The following FBLN1 variants were observed in gnomAD, a reference collection of about 807,000 sequenced individuals.
The protein encoded by FBLN1 is fibulin 1.
A neutral mutation model predicts 89.7 loss-of-function variants in FBLN1; 34 were observed. That is an observed-to-expected ratio of 0.38 (90% CI 0.29 to 0.50). The LOEUF is 0.50. Ranked by LOEUF, FBLN1 falls within the 20% of genes least tolerant of loss-of-function variation. FBLN1 has a pLI of 0.92. For missense variants in FBLN1, 777 were observed against 988.1 expected (o/e 0.79, Z 2.86); for synonymous variants, 393 against 391.3 (o/e 1.00, Z -0.05).
chr22:45,546,937 T>C (rs1015214070), intron 11 of FBLN1, 148 bp from the exon 12 acceptor site: 2 of 1,277,664 alleles, frequency 1.6e-6, no homozygotes, highest in African/African-American at 2.9e-5. Context: ...CGCCTCTCCC[T>C]CGGCCACACC....
At chr22:45,506,996 A>G (rs754057732) in intron 1 of FBLN1, among the ~76,000 whole-genome samples, 1 of 152,238 alleles carries the variant, frequency 6.6e-6, no homozygotes, top group Non-Finnish European at 1.5e-5. Context: ...ATATGGTTCC[A>G]GTTTCCTTGT....
rs751235606 is a variant in FBLN1, at chr22:45,583,661, G to A, written c.1972+6553G>A. 5.3e-5 allele frequency among the ~76,000 whole-genome samples: 8 copies of A among 152,194 alleles called. No homozygotes were observed. Among genetic ancestry groups the A allele is most frequent in the Non-Finnish European group, 7.3e-5 (5 of 68,038 alleles). On this transcript the variant is annotated intron_variant, in intron 16 of 16. Coordinates refer to ENST00000327858, the MANE Select transcript of FBLN1 (RefSeq NM_006486.3). This position sits in a 1 kb window ranked among gnomAD's most constrained non-coding sequence, Gnocchi z 4.5. ...AAGCTGGGTTTTGGTGTGCCAGTCA[G>A]GTGAGACGCAGAGAAGACAGCACAA... is the stretch of plus-strand genomic sequence containing the variant.
intron 16 of FBLN1, among the ~76,000 whole-genome samples, chr22:45,591,991 A>C (rs1310435702): frequency 1.3e-5 from 2 of 151,494 alleles, no homozygotes; most frequent in Non-Finnish European, 2.9e-5. Flanking sequence ...TGCAGACAGG[A>C]GGGAGGAAGT....
At position 45,550,671 on chromosome 22, in the gene FBLN1, C is replaced by G; in HGVS notation, c.1697+56C>G. The G allele has an allele frequency of 2.5e-6, 4 of 1,613,414 alleles. No individual in the cohort carries two copies. The South Asian group carries it at 4.4e-5, about 18-fold the overall frequency. ...TGTCTGTGTTGGCCTTCCTGGTGAC[C>G]CAGTTCCCGGGTGGGTGGGTTATCA... On this transcript the variant is annotated intron_variant, in intron 14 of 16. Coordinates refer to ENST00000327858, the MANE Select transcript of FBLN1 (RefSeq NM_006486.3). This position sits in a 1 kb window ranked among gnomAD's most constrained non-coding sequence, Gnocchi z 8.4.
intron 1 of FBLN1, among the ~76,000 whole-genome samples, chr22:45,510,168 C>A (rs150470325): frequency 5.6e-4 from 85 of 152,238 alleles, no homozygotes; most frequent in African/African-American, 1.8e-3. Context: ...CATCTCATAT[C>A]GTCACCACTT....
chr22:45,571,111 C>CAAAAAAA (rs542647353), intron 14 of FBLN1, among the ~76,000 whole-genome samples: 4 of 70,852 alleles, frequency 5.6e-5, no homozygotes, highest in Admixed American at 1.8e-4. Flanking sequence ...ACAAGAGTCT[C>CAAAAAAA]AAAAAAAAAA....
rs559662894 is a variant in FBLN1 at position 45,503,057 on chromosome 22, G to A, written c.72G>A (p.Ala24=). ...TGCTCGGCGGCCTTGCGCTGCTGGC[G>A]GCCGGAGGTAGGGGCGTCCCGGGTC... The part of the protein sequence containing the change: ...LLLLGGLALL[A]AGVDADVLLE... Residue 24 remains alanine (A), a synonymous_variant, in exon 1 of 17, where the codon GCG becomes GCA. Transcript: ENST00000327858. 2.1e-3 allele frequency: 2,607 copies of A among 1,247,188 alleles called. 26 individuals are homozygous for A. The African/African-American group carries it at 0.031, about 15-fold the overall frequency. 77.3% of individuals were successfully genotyped at this position (1,247,188 alleles called of 1,614,324 possible).
intron 14 of FBLN1, chr22:45,565,019 T>A: frequency 6.2e-7 from 1 of 1,612,942 alleles, no homozygotes; most frequent in Non-Finnish European, 8.5e-7. Context: ...GGACAGACAG[T>A]CAGCTCCACA....
Position 45,575,048 on chromosome 22 carries a change from C to T in FBLN1, c.1840+395C>T, listed in dbSNP as rs573939709. Among the ~76,000 whole-genome samples the T allele has an allele frequency of 1.3e-5, 2 of 152,160 alleles. No homozygotes were observed. The highest frequency in any genetic ancestry group is 4.8e-5 in the African/African-American group (2 of 41,440). Reference sequence around the variant, plus strand: ...CCACCCGCCTCAGCCTCCCAAAGTGCTGGGATTACAGGCGTGAGCCACCGC... The same window carrying T: ...CCACCCGCCTCAGCCTCCCAAAGTGTTGGGATTACAGGCGTGAGCCACCGC... On this transcript the variant is annotated intron_variant, in intron 15 of 16. Transcript: ENST00000327858. This position sits in a 1 kb window ranked among gnomAD's most constrained non-coding sequence, Gnocchi z 6.3.
intron 11 of FBLN1, among the ~76,000 whole-genome samples, chr22:45,544,069 A>C (rs890048977): frequency 6.6e-6 from 1 of 150,498 alleles, no homozygotes; most frequent in African/African-American, 2.4e-5. Flanking sequence ...GGCGTGGGTC[A>C]CTGTGCACCT....
chr22:45,511,269 C>CT (rs1328942629), intron 1 of FBLN1, among the ~76,000 whole-genome samples: 1 of 151,842 alleles, frequency 6.6e-6, no homozygotes, highest in Non-Finnish European at 1.5e-5. Flanking sequence ...ATTCTCCTGC[C>CT]TCAGCCTCCC....
chr22:45,534,018 G>A (rs1195109728), intron 7 of FBLN1, 120 bp downstream of exon 7: 23 of 1,374,414 alleles, frequency 1.7e-5, no homozygotes, highest in East Asian at 1.1e-4. Context: ...CTGCCTGGGC[G>A]ACTGCCTGCT....
chr22:45,510,996 G>A (rs1382259109), intron 1 of FBLN1, among the ~76,000 whole-genome samples: 1 of 152,186 alleles, frequency 6.6e-6, no homozygotes, highest in Non-Finnish European at 1.5e-5. Context: ...ATCGGGCACC[G>A]TGTCAGCCTG....
At chr22:45,510,433 G>A (rs2088083959) in intron 1 of FBLN1, among the ~76,000 whole-genome samples, 1 of 152,112 alleles carries the variant, frequency 6.6e-6, no homozygotes, top group Admixed American at 6.5e-5. Context: ...ACTGAGGCCC[G>A]GACTTGCTCC....
At chr22:45,534,456 C>G (rs1410193853) in intron 7 of FBLN1, among the ~76,000 whole-genome samples, 1 of 152,234 alleles carries the variant, frequency 6.6e-6, no homozygotes, top group Non-Finnish European at 1.5e-5. Context: ...CTTTCCCCGC[C>G]AAGCCTTAGG....
At position 45,556,830 on chromosome 22, in the gene FBLN1, C is replaced by T. The variant is rs2088794569; in HGVS notation, c.1697+6215C>T. On this transcript the variant is annotated intron_variant, in intron 14 of 16. Coordinates refer to ENST00000327858, the MANE Select transcript of FBLN1 (RefSeq NM_006486.3). The surrounding 1 kb of genome is among the most constrained non-coding windows in gnomAD (Gnocchi z 4.6). Reference sequence around the variant, plus strand: ...CCCTCTGGAACTAAGACCTCTAGGCCAGCAGAACGTAATGTTGCAGGAACA... The same window carrying T: ...CCCTCTGGAACTAAGACCTCTAGGCTAGCAGAACGTAATGTTGCAGGAACA... Among the ~76,000 whole-genome samples the T allele has an allele frequency of 6.6e-6, 1 of 152,094 alleles. No homozygotes were observed. Among genetic ancestry groups the T allele is most frequent in the Non-Finnish European group, 1.5e-5 (1 of 68,020 alleles).
intron 14 of FBLN1, among the ~76,000 whole-genome samples, chr22:45,570,327 A>AAAAAAAAAAAAG: frequency 8.8e-6 from 1 of 113,104 alleles, no homozygotes. Context: ...CTCAAAAAAA[A>AAAAAAAAAAAAG]AAAAAAAAAA....
chr22:45,518,751 G>A lies in FBLN1; in HGVS notation c.149G>A (p.Cys50Tyr). 6.2e-7 allele frequency: 1 copy of A among 1,612,348 alleles called. No homozygotes were observed. Among genetic ancestry groups the A allele is most frequent in the Non-Finnish European group, 8.5e-7 (1 of 1,179,296 alleles). The change falls in exon 2 of 17, where the codon TGC becomes TAC. Residue 50 changes from cysteine (C) to tyrosine (Y), a missense_variant. By Grantham distance (194) the Cys-to-Tyr change is radical. Transcript: ENST00000327858. ...CGGATGGCCACTCATCAGAAGGACT[G>A]CTCGCTGCCATATGCTACGGAATCC... is the stretch of plus-strand genomic sequence containing the variant. ...GHRMATHQKD[C>Y]SLPYATESKE...
intron 1 of FBLN1, among the ~76,000 whole-genome samples, chr22:45,516,804 AAGC>A (rs1483610771): frequency 6.6e-6 from 1 of 152,216 alleles, no homozygotes; most frequent in African/African-American, 2.4e-5. Flanking sequence ...GCACTGCAGA[AAGC>A]AGCTCTGAGT....
Sources: gnomAD v4.1 joint callset for allele counts (sites outside exome capture counted in the v4.1 genomes callset) on GRCh38, gnomAD v4.1.1 for gene constraint, Gnocchi (gnomAD v3.1) non-coding constraint, MANE v1.5 for transcripts, NCBI Gene and HGNC (gene_info 2026-07-23, HGNC 2026-07-21) for gene names.